The following CDK17 variants were observed in gnomAD, a reference collection of about 807,000 sequenced individuals.
CDK17 encodes cyclin-dependent kinase 17.
Under a neutral mutation model 77.6 loss-of-function variants are expected in CDK17, and 24 were observed. The ratio of observed to expected loss-of-function variants is 0.31; its 90% confidence interval spans 0.22 to 0.44. The LOEUF is 0.44. Ranked by LOEUF, CDK17 falls within the 20% of genes least tolerant of loss-of-function variation. The probability of loss-of-function intolerance (pLI) is 1.00; values close to 1 mark genes in which losing one functional copy is unlikely to be tolerated. For synonymous variants in CDK17, 203 were observed against 210.4 expected (o/e 0.96, Z 0.30); for missense variants, 429 against 622.5 (o/e 0.69, Z 3.31).
chr12:96,339,803 G>A (rs147202049), intron 1 of CDK17, among the ~76,000 whole-genome samples: 8 of 151,930 alleles, frequency 5.3e-5, no homozygotes, highest in South Asian at 4.2e-4. Context: ...GGTGGTGCAC[G>A]CCTGTAATCC....
intron 5 of CDK17, among the ~76,000 whole-genome samples, chr12:96,309,888 G>A (rs1318072044): frequency 6.6e-6 from 1 of 152,138 alleles, no homozygotes; most frequent in African/African-American, 2.4e-5. Context: ...ATATGCTAGT[G>A]ATATACGTAT....
At chr12:96,346,426 T>C (rs777675061) in intron 1 of CDK17, among the ~76,000 whole-genome samples, 1 of 150,652 alleles carries the variant, frequency 6.6e-6, no homozygotes, top group Non-Finnish European at 1.5e-5. Flanking sequence ...CACTCCAGCC[T>C]GGGTGACAGA....
rs192266237 is a variant in CDK17, at chr12:96,302,273, T to A, written c.544-1913A>T. Among the ~76,000 whole-genome samples the A allele has an allele frequency of 2.3e-3, 344 of 152,240 alleles. 1 individual carries two copies. Among genetic ancestry groups the A allele is most frequent in the African/African-American group, 8.0e-3 (331 of 41,590 alleles). On this transcript the variant is annotated intron_variant, in intron 5 of 16. Coordinates refer to ENST00000261211, the MANE Select transcript of CDK17 (RefSeq NM_002595.5). Reference sequence around the variant, plus strand: ...ATGAAAAACATGGCAAATAGCCCACTATCTGGTACATGACAGTCTGATTAC... The same window carrying A: ...ATGAAAAACATGGCAAATAGCCCACAATCTGGTACATGACAGTCTGATTAC...
At chr12:96,305,333 G>A (rs950081294) in intron 5 of CDK17, among the ~76,000 whole-genome samples, 1 of 152,184 alleles carries the variant, frequency 6.6e-6, no homozygotes, top group Admixed American at 6.5e-5. Flanking sequence ...TCTGAATAAA[G>A]TATGGAGTTT....
At chr12:96,335,266 G>A (rs1012291134) in intron 1 of CDK17, 1 of 298,312 alleles carries the variant, frequency 3.4e-6, no homozygotes, top group African/African-American at 2.3e-5. Context: ...ATATAACAGG[G>A]AGGCGGGTGA....
chr12:96,282,334 T>A, intron 15 of CDK17, 175 bp downstream of exon 15: 2 of 556,128 alleles, frequency 3.6e-6, no homozygotes, highest in South Asian at 5.1e-5. Flanking sequence ...TTACAAGAAA[T>A]AACTGAATCA....
chr12:96,286,665 T>C lies in CDK17; in HGVS notation c.1215A>G (p.Leu405=). The change falls in exon 12 of 17, where the codon CTA becomes CTG. Residue 405 remains leucine, a splice_region_variant and synonymous_variant. Coordinates refer to ENST00000261211, the MANE Select transcript of CDK17 (RefSeq NM_002595.5). ...EDELHLIFRL[L]GTPSQETWPG... Reference sequence around the variant, plus strand: ...CTGGGAAAAGATTTCTTCTGTTACCTAGCAGTCGGAAAATTAAGTGCAGTT... The same window carrying C: ...CTGGGAAAAGATTTCTTCTGTTACCCAGCAGTCGGAAAATTAAGTGCAGTT... 1 of 1,609,624 alleles carries C rather than the reference T, an allele frequency of 6.2e-7. No individual in the cohort carries two copies. The highest frequency in any genetic ancestry group is 8.5e-7 in the Non-Finnish European group (1 of 1,176,102).
chr12:96,392,859 G>A (rs777171455), intron 1 of CDK17, among the ~76,000 whole-genome samples: 4 of 152,218 alleles, frequency 2.6e-5, no homozygotes, highest in Non-Finnish European at 5.9e-5. Context: ...AACCTGGAAA[G>A]AAGGCTGTGG....
At chr12:96,329,368 T>C (rs1018306002) in intron 2 of CDK17, among the ~76,000 whole-genome samples, 2 of 152,228 alleles carry the variant, frequency 1.3e-5, no homozygotes, top group African/African-American at 4.8e-5. Context: ...TTATACTCTA[T>C]AATTAGTTCC....
At chr12:96,351,629 C>T (rs1953314641) in intron 1 of CDK17, among the ~76,000 whole-genome samples, 2 of 152,266 alleles carry the variant, frequency 1.3e-5, no homozygotes, top group Non-Finnish European at 1.5e-5. Context: ...TCTTAATTGT[C>T]GTTGAACTTT....
intron 1 of CDK17, among the ~76,000 whole-genome samples, chr12:96,365,735 C>T (rs1054049596): frequency 1.3e-5 from 2 of 152,136 alleles, no homozygotes; most frequent in African/African-American, 2.4e-5. Flanking sequence ...TTTTCTCTTA[C>T]GTATTTTTAA....
intron 11 of CDK17, among the ~76,000 whole-genome samples, chr12:96,288,350 C>G (rs1028449693): frequency 6.6e-6 from 1 of 151,844 alleles, no homozygotes; most frequent in Non-Finnish European, 1.5e-5. Context: ...CCAACAGAGG[C>G]TAGAGTATAT....
chr12:96,307,113 T>C (rs1265097213), intron 5 of CDK17, among the ~76,000 whole-genome samples: 1 of 151,976 alleles, frequency 6.6e-6, no homozygotes, highest in East Asian at 1.9e-4. Context: ...CTGACCAACA[T>C]GGAGAAACCC....
intron 1 of CDK17, among the ~76,000 whole-genome samples, chr12:96,391,591 A>G (rs1393732797): frequency 2.0e-5 from 3 of 152,142 alleles, no homozygotes; most frequent in Non-Finnish European, 4.4e-5. Context: ...GCGGCAGGCC[A>G]GTTTTTTTCG....
chr12:96,309,773 T>G (rs1447750101), intron 5 of CDK17, among the ~76,000 whole-genome samples: 3 of 152,172 alleles, frequency 2.0e-5, no homozygotes, highest in South Asian at 2.1e-4. Context: ...ATCAGAGAAA[T>G]GCAAAATAAA....
At chr12:96,339,387 G>A (rs562255362) in intron 1 of CDK17, among the ~76,000 whole-genome samples, 3 of 151,680 alleles carry the variant, frequency 2.0e-5, no homozygotes, top group African/African-American at 7.2e-5. Flanking sequence ...GGAATGGGAA[G>A]TTATTCTTTA....
intron 1 of CDK17, among the ~76,000 whole-genome samples, chr12:96,395,123 C>G (rs1683051864): frequency 6.6e-6 from 1 of 152,224 alleles, no homozygotes; most frequent in South Asian, 2.1e-4. Context: ...ATCTGCCCGG[C>G]TCAGCCTCTC....
intron 1 of CDK17, among the ~76,000 whole-genome samples, chr12:96,371,495 G>A (rs1324234579): frequency 1.3e-5 from 2 of 152,170 alleles, no homozygotes; most frequent in Non-Finnish European, 2.9e-5. Flanking sequence ...GACAGCTACT[G>A]TAAGAATGAA....
At chr12:96,387,614 T>C (rs1034315667) in intron 1 of CDK17, among the ~76,000 whole-genome samples, 1 of 152,194 alleles carries the variant, frequency 6.6e-6, no homozygotes, top group Admixed American at 6.5e-5. Flanking sequence ...TTTTGATGGG[T>C]AAACTTTATA....
Sources: gnomAD v4.1 joint callset for allele counts (sites outside exome capture counted in the v4.1 genomes callset) on GRCh38, gnomAD v4.1.1 for gene constraint, MANE v1.5 for transcripts, NCBI Gene and HGNC (gene_info 2026-07-23, HGNC 2026-07-21) for gene names.